RBFOX3: variants seen among roughly 807,000 people sequenced by gnomAD.
RBFOX3 encodes the protein RNA binding fox-1 homolog 3.
In RBFOX3, 17 loss-of-function variants were observed where a neutral mutation model predicts 48.7. That is an observed-to-expected ratio of 0.35 (90% CI 0.24 to 0.52). The LOEUF is 0.52. Among genes scored for constraint, RBFOX3 ranks in the 20% least tolerant of loss-of-function variants. RBFOX3 has a pLI of 0.94. For missense variants in RBFOX3, 382 were observed against 497.5 expected (o/e 0.77, Z 2.21); for synonymous variants, 212 against 209.5 (o/e 1.01, Z -0.10).
intron 3 of RBFOX3, among the ~76,000 whole-genome samples, chr17:79,292,600 G>A (rs11657672): frequency 0.021 from 1,646 of 79,012 alleles, 31 homozygotes; most frequent in African/African-American, 0.093. Flanking sequence ...ACACACACAC[G>A]CACACACACA....
At chr17:79,107,382 C>A (rs1359615884) in intron 5 of RBFOX3, among the ~76,000 whole-genome samples, 1 of 152,212 alleles carries the variant, frequency 6.6e-6, no homozygotes, top group East Asian at 1.9e-4. Context: ...CAAGTCCAGT[C>A]CTCTATAGCC....
chr17:79,402,896 C>T (rs944083770), intron 2 of RBFOX3, among the ~76,000 whole-genome samples: 2 of 152,088 alleles, frequency 1.3e-5, no homozygotes, highest in African/African-American at 2.4e-5. Flanking sequence ...GGGGCTGCCC[C>T]GAGGTTGCAG....
intron 4 of RBFOX3, among the ~76,000 whole-genome samples, chr17:79,145,015 G>A (rs574664528): frequency 1.3e-5 from 2 of 152,172 alleles, no homozygotes; most frequent in African/African-American, 2.4e-5. Context: ...ATGATGCCTC[G>A]AGGCTCTCAG....
rs1354809285 is a variant in RBFOX3 at position 79,089,377 on chromosome 17, A to T, written c.*1506T>A. 1 of 152,646 alleles carries T rather than the reference A, an allele frequency of 6.6e-6. No individual in the cohort carries two copies. Among genetic ancestry groups the T allele is most frequent in the South Asian group, 2.1e-4 (1 of 4,832 alleles). 9.5% of individuals were successfully genotyped at this position (152,646 alleles called of 1,614,324 possible). A position where few individuals can be genotyped will look rare whatever the true frequency, so the allele number is the denominator to read the frequency against. Reference sequence around the variant, plus strand: ...TTGAAGAAAGAAATCTTTATTAATAATCTTAATAATACTGTTAGTTTGAAT... The same window carrying T: ...TTGAAGAAAGAAATCTTTATTAATATTCTTAATAATACTGTTAGTTTGAAT... On this transcript the variant is annotated 3_prime_UTR_variant, in exon 15 of 15. Coordinates refer to ENST00000693108, the MANE Select transcript of RBFOX3 (RefSeq NM_001350451.2).
rs138335196 is a variant in RBFOX3, at chr17:79,212,133, C to T, written c.-34+23633G>A. Among the ~76,000 whole-genome samples, 3 of 152,338 alleles carry T rather than the reference C, an allele frequency of 2.0e-5. No individual in the cohort carries two copies. The highest frequency in any genetic ancestry group is 1.3e-4 in the Admixed American group (2 of 15,308). On this transcript the variant is annotated intron_variant, in intron 4 of 14. Coordinates refer to ENST00000693108, the MANE Select transcript of RBFOX3 (RefSeq NM_001350451.2). This position sits in a 1 kb window ranked among gnomAD's most constrained non-coding sequence, Gnocchi z 4.7. ...ACGGGCCCACCTGGGCATCTTCGACCATGCCAGGGACAAGACAGCAGAAAA... is the reference window on the plus strand; with the variant it reads ...ACGGGCCCACCTGGGCATCTTCGACTATGCCAGGGACAAGACAGCAGAAAA...
At position 79,347,640 on chromosome 17, in the gene RBFOX3, C is replaced by T. The variant is rs1457008447; in HGVS notation, c.-174-39816G>A. Among the ~76,000 whole-genome samples, 4 of 152,252 alleles carry T rather than the reference C, an allele frequency of 2.6e-5. No individual in the cohort carries two copies. The East Asian group carries it at 7.7e-4, about 29-fold the overall frequency. On this transcript the variant is annotated intron_variant, in intron 2 of 14. Coordinates refer to ENST00000693108, the MANE Select transcript of RBFOX3 (RefSeq NM_001350451.2). ...CATTCCTCAGTTATTTATTCTAGTA[C>T]TTTTCTCCTGTATCGCATTATTTCC...
At chr17:79,152,943 T>G (rs1054979687) in intron 4 of RBFOX3, among the ~76,000 whole-genome samples, 2 of 152,142 alleles carry the variant, frequency 1.3e-5, no homozygotes, top group African/African-American at 4.8e-5. Context: ...CCAGCCCTTC[T>G]CTGGTGAGGC....
intron 3 of RBFOX3, among the ~76,000 whole-genome samples, chr17:79,306,338 C>T (rs537942175): frequency 6.6e-6 from 1 of 152,382 alleles, no homozygotes; most frequent in African/African-American, 2.4e-5. Flanking sequence ...CAGGCCAGGG[C>T]GGCTCACACG....
At chr17:79,462,404 A>C (rs960648058) in intron 2 of RBFOX3, among the ~76,000 whole-genome samples, 1 of 152,244 alleles carries the variant, frequency 6.6e-6, no homozygotes, top group African/African-American at 2.4e-5. Flanking sequence ...GGAGCATTAC[A>C]TGGATTCAAT....
chr17:79,618,634 C>T, the RBFOX3 span, among the ~76,000 whole-genome samples: 3 of 152,168 alleles, frequency 2.0e-5, no homozygotes, highest in Admixed American at 6.5e-5. Context: ...AGTGCACATC[C>T]GTCTGGACAA....
intron 4 of RBFOX3, among the ~76,000 whole-genome samples, chr17:79,120,188 A>C (rs1358697755): frequency 6.6e-6 from 1 of 152,160 alleles, no homozygotes; most frequent in African/African-American, 2.4e-5. Context: ...GTACATTCTC[A>C]GAGAATGGGG....
intron 2 of RBFOX3, among the ~76,000 whole-genome samples, chr17:79,379,760 C>T (rs1291104451): frequency 6.6e-6 from 1 of 152,224 alleles, no homozygotes; most frequent in South Asian, 2.1e-4. Flanking sequence ...ATCCAATTCC[C>T]GGTCCAGATC....
At chr17:79,260,540 AG>A (rs1293399926) in intron 3 of RBFOX3, among the ~76,000 whole-genome samples, 1 of 152,156 alleles carries the variant, frequency 6.6e-6, no homozygotes, top group Non-Finnish European at 1.5e-5. Flanking sequence ...TCCACGGGTG[AG>A]GGGTCAGCTG....
intron 5 of RBFOX3, among the ~76,000 whole-genome samples, chr17:79,110,254 G>T (rs1235869830): frequency 6.6e-6 from 1 of 152,034 alleles, no homozygotes; most frequent in Non-Finnish European, 1.5e-5. Flanking sequence ...CCCCAGCTCT[G>T]TCTTGGCCCG....
At chr17:79,580,598 C>T (rs2093026325) in intron 1 of RBFOX3, among the ~76,000 whole-genome samples, 1 of 152,144 alleles carries the variant, frequency 6.6e-6, no homozygotes, top group Admixed American at 6.5e-5. Flanking sequence ...GGTTCCGCTG[C>T]AGTAACAAAC....
rs535390364 is a variant in RBFOX3, at chr17:79,362,824, G to A, written c.-174-55000C>T. 3.6e-4 allele frequency among the ~76,000 whole-genome samples: 55 copies of A among 152,260 alleles called. No individual in the cohort carries two copies. Among genetic ancestry groups the A allele is most frequent in the African/African-American group, 1.3e-3 (55 of 41,568 alleles). Reference sequence around the variant, plus strand: ...CAGCTATGAGAGAGGGGTAAAGCGGGAACATCAGACAACCCTGAACGCCCG... The same window carrying A: ...CAGCTATGAGAGAGGGGTAAAGCGGAAACATCAGACAACCCTGAACGCCCG... On this transcript the variant is annotated intron_variant, in intron 2 of 14. Transcript: ENST00000693108. The surrounding 1 kb of genome is among the most constrained non-coding windows in gnomAD (Gnocchi z 4.2).
chr17:79,546,944 A>G (rs2090525478), intron 1 of RBFOX3, among the ~76,000 whole-genome samples: 1 of 151,842 alleles, frequency 6.6e-6, no homozygotes, highest in African/African-American at 2.4e-5. Context: ...TGCTGGGATT[A>G]CAGGTGTGAG....
At chr17:79,417,837 G>A (rs1319727281) in intron 2 of RBFOX3, among the ~76,000 whole-genome samples, 1 of 152,220 alleles carries the variant, frequency 6.6e-6, no homozygotes, top group Non-Finnish European at 1.5e-5. Context: ...ACGGATGGAC[G>A]AATGGAGAAA....
At chr17:79,157,099 C>A (rs2045978317) in intron 4 of RBFOX3, among the ~76,000 whole-genome samples, 1 of 152,170 alleles carries the variant, frequency 6.6e-6, no homozygotes, top group Admixed American at 6.5e-5. Flanking sequence ...TCTGGAGGGC[C>A]CCCAGAGACT....
Sources: gnomAD v4.1 joint callset for allele counts (sites outside exome capture counted in the v4.1 genomes callset) on GRCh38, gnomAD v4.1.1 for gene constraint, Gnocchi (gnomAD v3.1) non-coding constraint, MANE v1.5 for transcripts, NCBI Gene and HGNC (gene_info 2026-07-23, HGNC 2026-07-21) for gene names.